STX8: variants seen among roughly 807,000 people sequenced by gnomAD.
STX8 encodes the protein syntaxin 8.
STX8 carries 23 observed loss-of-function variants against 37.5 expected under a neutral mutation model. That is an observed-to-expected ratio of 0.61 (90% CI 0.44 to 0.87). The LOEUF (loss-of-function observed/expected upper bound fraction) is 0.87. Among genes scored for constraint, STX8 ranks in the 40% least tolerant of loss-of-function variants. The pLI is 0.00. For synonymous variants in STX8, 115 were observed against 99.1 expected (o/e 1.16, Z -0.95); for missense variants, 313 against 284.7 (o/e 1.10, Z -0.71).
At chr17:9,430,618 G>C (rs1913922304) in intron 6 of STX8, among the ~76,000 whole-genome samples, 1 of 147,918 alleles carries the variant, frequency 6.8e-6, no homozygotes, top group Non-Finnish European at 1.5e-5. Flanking sequence ...ACATTCATCT[G>C]TTGACGGACA....
intron 7 of STX8, among the ~76,000 whole-genome samples, chr17:9,256,814 C>T (rs982270968): frequency 6.6e-5 from 10 of 152,326 alleles, no homozygotes; most frequent in East Asian, 1.9e-4. Flanking sequence ...TACTCGGTCA[C>T]GTGTGAAAAG....
intron 7 of STX8, among the ~76,000 whole-genome samples, chr17:9,257,987 T>TAAAACA (rs940081955): frequency 6.6e-5 from 10 of 152,230 alleles, no homozygotes; most frequent in African/African-American, 1.2e-4. Context: ...AGATTTTGTT[T>TAAAACA]AAAACAAAAA....
At chr17:9,278,639 A>C (rs1219899041) in intron 7 of STX8, among the ~76,000 whole-genome samples, 1 of 152,174 alleles carries the variant, frequency 6.6e-6, no homozygotes, top group African/African-American at 2.4e-5. Context: ...AGAGGGATTT[A>C]AGCTGACATA....
At chr17:9,533,297 G>C (rs555076008) in intron 4 of STX8, among the ~76,000 whole-genome samples, 1 of 152,026 alleles carries the variant, frequency 6.6e-6, no homozygotes, top group African/African-American at 2.4e-5. Flanking sequence ...GTCAAACCCC[G>C]TCTCTAATAA....
chr17:9,448,650 T>A (rs369647359), intron 6 of STX8, among the ~76,000 whole-genome samples: 1 of 152,218 alleles, frequency 6.6e-6, no homozygotes, highest in Non-Finnish European at 1.5e-5. Context: ...TAAAATAATA[T>A]GTCCTTAACA....
At chr17:9,288,517 C>G (rs921057064) in intron 7 of STX8, among the ~76,000 whole-genome samples, 3 of 151,854 alleles carry the variant, frequency 2.0e-5, no homozygotes, top group African/African-American at 7.3e-5. Context: ...AAAAAATTAG[C>G]CGGGCGTGGT....
intron 6 of STX8, among the ~76,000 whole-genome samples, chr17:9,488,897 G>A (rs1906729514): frequency 6.6e-6 from 1 of 151,960 alleles, no homozygotes; most frequent in Non-Finnish European, 1.5e-5. Flanking sequence ...TGTGTTTTGA[G>A]ACAGAGTCTC....
intron 6 of STX8, among the ~76,000 whole-genome samples, chr17:9,450,676 CTAAT>C (rs1211894622): frequency 6.6e-6 from 1 of 152,082 alleles, no homozygotes; most frequent in African/African-American, 2.4e-5. Context: ...TTATAAAAAT[CTAAT>C]TAATTCTGCC....
intron 6 of STX8, among the ~76,000 whole-genome samples, chr17:9,399,231 C>T (rs1912517134): frequency 6.6e-6 from 1 of 152,156 alleles, no homozygotes; most frequent in African/African-American, 2.4e-5. Context: ...AGGCCCATTT[C>T]TTCCATTCTC....
At chr17:9,475,091 T>G (rs1906044759) in intron 6 of STX8, among the ~76,000 whole-genome samples, 1 of 151,830 alleles carries the variant, frequency 6.6e-6, no homozygotes, top group Admixed American at 6.6e-5. Flanking sequence ...AGAGAGAGAC[T>G]TTGAGCTCCA....
chr17:9,264,373 C>T (rs944310955), intron 7 of STX8, among the ~76,000 whole-genome samples: 23 of 152,220 alleles, frequency 1.5e-4, no homozygotes, highest in African/African-American at 4.3e-4. Context: ...GGCATGGTCA[C>T]GGCTCACTGT....
chr17:9,442,722 T>C (rs1320135246), intron 6 of STX8, among the ~76,000 whole-genome samples: 9 of 152,132 alleles, frequency 5.9e-5, no homozygotes, highest in Non-Finnish European at 1.2e-4. Context: ...TCTTCTTTAT[T>C]GAAACTTTAG....
chr17:9,446,917 T>C (rs890241193), intron 6 of STX8, among the ~76,000 whole-genome samples: 2 of 152,240 alleles, frequency 1.3e-5, no homozygotes, highest in Non-Finnish European at 2.9e-5. Context: ...AGTATTTTAA[T>C]AGGTAATTAA....
chr17:9,282,754 C>A (rs754237249), intron 7 of STX8, among the ~76,000 whole-genome samples: 1 of 152,172 alleles, frequency 6.6e-6, no homozygotes, highest in Non-Finnish European at 1.5e-5. Flanking sequence ...ACCTATATGG[C>A]CACAAAGGGC....
In STX8 at chr17:9,430,012, T is replaced by TTA. The variant is rs1913873088; in HGVS notation, c.542-51361_542-51360dup. On this transcript the variant is annotated intron_variant, in intron 6 of 7. Transcript: ENST00000306357. ...TTATATATAATATATATATTATATA[T>TTA]TATATATTATATATAATATATTCTA... 1.3e-4 allele frequency among the ~76,000 whole-genome samples: 3 copies of TTA among 23,660 alleles called. 1 individual carries two copies. Among genetic ancestry groups the TTA allele is most frequent in the African/African-American group, 8.3e-4 (3 of 3,628 alleles). 15.5% of individuals were successfully genotyped at this position (23,660 alleles called of 152,430 possible).
At chr17:9,387,348 T>G (rs1912047799) in intron 6 of STX8, among the ~76,000 whole-genome samples, 2 of 151,996 alleles carry the variant, frequency 1.3e-5, no homozygotes, top group Non-Finnish European at 2.9e-5. Flanking sequence ...CAGGCTGGAG[T>G]GCAGTGGCAC....
intron 7 of STX8, among the ~76,000 whole-genome samples, chr17:9,333,814 A>C (rs1223769271): frequency 6.6e-6 from 1 of 152,204 alleles, no homozygotes; most frequent in African/African-American, 2.4e-5. Context: ...GAAATTTTTC[A>C]GACTGCCTAA....
At chr17:9,476,946 A>T (rs1184152537) in intron 6 of STX8, among the ~76,000 whole-genome samples, 1 of 152,106 alleles carries the variant, frequency 6.6e-6, no homozygotes, top group Non-Finnish European at 1.5e-5. Context: ...CCCGGGCTCA[A>T]GTGATCTTCC....
chr17:9,370,753 C>T (rs1363429797), intron 7 of STX8, among the ~76,000 whole-genome samples: 1 of 152,162 alleles, frequency 6.6e-6, no homozygotes, highest in Non-Finnish European at 1.5e-5. Flanking sequence ...CTGTCAGACT[C>T]AGACAAGGCT....
Sources: gnomAD v4.1 joint callset for allele counts (sites outside exome capture counted in the v4.1 genomes callset) on GRCh38, gnomAD v4.1.1 for gene constraint, MANE v1.5 for transcripts, NCBI Gene and HGNC (gene_info 2026-07-23, HGNC 2026-07-21) for gene names.